The following MYRIP variants were observed in gnomAD, a reference collection of about 807,000 sequenced individuals.
MYRIP encodes the protein rab effector MyRIP.
MYRIP carries 49 observed loss-of-function variants against 98.0 expected under a neutral mutation model. That is an observed-to-expected ratio of 0.50 (90% CI 0.40 to 0.63). The LOEUF is 0.63. Among genes scored for constraint, MYRIP ranks in the 30% least tolerant of loss-of-function variants. The probability of loss-of-function intolerance (pLI) is 0.00; values close to 1 mark genes in which losing one functional copy is unlikely to be tolerated. For synonymous variants in MYRIP, 404 were observed against 409.5 expected (o/e 0.99, Z 0.16); for missense variants, 1,004 against 1,058.2 (o/e 0.95, Z 0.71).
chr3:40,134,270 G>A (rs933492429), intron 3 of MYRIP, among the ~76,000 whole-genome samples: 5 of 152,146 alleles, frequency 3.3e-5, no homozygotes, highest in African/African-American at 7.2e-5. Flanking sequence ...CTACACCCAC[G>A]GAGCCTCGCT....
intron 1 of MYRIP, among the ~76,000 whole-genome samples, chr3:39,873,430 T>A (rs911305603): frequency 4.6e-5 from 7 of 152,206 alleles, no homozygotes; most frequent in Non-Finnish European, 8.8e-5. Context: ...GTGTCCTGAA[T>A]GGTAATGCCT....
chr3:40,010,219 G>T (rs1395787945), intron 2 of MYRIP, among the ~76,000 whole-genome samples: 1 of 152,222 alleles, frequency 6.6e-6, no homozygotes, highest in Non-Finnish European at 1.5e-5. Flanking sequence ...GCAGATTTCT[G>T]GGAATTTGCT....
chr3:40,043,665 G>A (rs1947598007), intron 2 of MYRIP, among the ~76,000 whole-genome samples: 1 of 152,150 alleles, frequency 6.6e-6, no homozygotes, highest in Non-Finnish European at 1.5e-5. Context: ...TGGGCTGTGT[G>A]AGGATTAATG....
At chr3:39,895,479 G>A (rs946479826) in intron 1 of MYRIP, among the ~76,000 whole-genome samples, 7 of 151,964 alleles carry the variant, frequency 4.6e-5, no homozygotes, top group African/African-American at 1.7e-4. Flanking sequence ...GAGCCACTGT[G>A]CCCGGCCAAT....
chr3:39,920,894 C>T (rs1333171490), intron 2 of MYRIP, among the ~76,000 whole-genome samples: 1 of 152,142 alleles, frequency 6.6e-6, no homozygotes, highest in Non-Finnish European at 1.5e-5. Context: ...CTATACCAGC[C>T]TCTTCACTTT....
At chr3:40,014,872 G>C (rs1447425644) in intron 2 of MYRIP, among the ~76,000 whole-genome samples, 1 of 152,208 alleles carries the variant, frequency 6.6e-6, no homozygotes, top group Non-Finnish European at 1.5e-5. Flanking sequence ...TTACGTTACA[G>C]TTTTTGTCTG....
chr3:39,873,910 A>C lies in MYRIP; in HGVS notation c.-30-26877A>C, dbSNP rs541258340. On this transcript the variant is annotated intron_variant, in intron 1 of 16. Transcript: ENST00000302541. ...GGTAGCTTGATGGGAATGGCATTGA[A>C]TCTGTAAATTACCTTGGGCAGTATG... 1.1e-3 allele frequency among the ~76,000 whole-genome samples: 165 copies of C among 152,132 alleles called. 1 individual carries two copies. The Middle Eastern group carries it at 0.017, about 16-fold the overall frequency.
chr3:39,944,366 T>TA (rs1478078762), intron 2 of MYRIP, among the ~76,000 whole-genome samples: 2 of 152,058 alleles, frequency 1.3e-5, no homozygotes, highest in Non-Finnish European at 2.9e-5. Flanking sequence ...ATGTTGTTAT[T>TA]AAAAAAAGAA....
At chr3:40,032,254 G>C (rs940352879) in intron 2 of MYRIP, among the ~76,000 whole-genome samples, 3 of 152,144 alleles carry the variant, frequency 2.0e-5, no homozygotes, top group African/African-American at 7.2e-5. Context: ...GTACCCAGTA[G>C]TCATTCAGGA....
At chr3:39,986,235 G>A (rs1575438945) in intron 2 of MYRIP, among the ~76,000 whole-genome samples, 1 of 152,152 alleles carries the variant, frequency 6.6e-6, no homozygotes, top group Non-Finnish European at 1.5e-5. Flanking sequence ...CGTCATTAGA[G>A]TCAGAGCACA....
At chr3:40,163,388 G>T (rs910837868) in intron 5 of MYRIP, among the ~76,000 whole-genome samples, 1 of 152,138 alleles carries the variant, frequency 6.6e-6, no homozygotes, top group Admixed American at 6.5e-5. Flanking sequence ...GTGTCAACTT[G>T]ACTTGGGCTA....
chr3:40,073,895 T>G (rs556675869), intron 3 of MYRIP, among the ~76,000 whole-genome samples: 21 of 152,332 alleles, frequency 1.4e-4, no homozygotes, highest in African/African-American at 5.1e-4. Context: ...TAAGGACCTT[T>G]CAATTCTACT....
chr3:40,197,878 T>C (rs372403467), intron 10 of MYRIP, among the ~76,000 whole-genome samples: 10 of 152,298 alleles, frequency 6.6e-5, no homozygotes, highest in African/African-American at 2.4e-4. Context: ...CCCACTCTCA[T>C]TGTTTGCCAA....
intron 2 of MYRIP, among the ~76,000 whole-genome samples, chr3:40,032,796 T>A (rs1248318324): frequency 3.3e-5 from 5 of 152,172 alleles, no homozygotes; most frequent in African/African-American, 9.7e-5. Context: ...ATATCCTTGA[T>A]GAAAATTGAT....
chr3:39,816,510 A>C (rs1940922165), intron 1 of MYRIP, among the ~76,000 whole-genome samples: 1 of 152,202 alleles, frequency 6.6e-6, no homozygotes, highest in Non-Finnish European at 1.5e-5. Context: ...AAGAGTTTAC[A>C]AAGGCTAATA....
At chr3:40,026,706 G>T (rs1947138301) in intron 2 of MYRIP, among the ~76,000 whole-genome samples, 1 of 152,072 alleles carries the variant, frequency 6.6e-6, no homozygotes, top group Non-Finnish European at 1.5e-5. Flanking sequence ...CAACAGTCTG[G>T]CTCCTGCCTA....
chr3:39,916,845 A>G (rs1426537628), intron 2 of MYRIP, among the ~76,000 whole-genome samples: 1 of 152,176 alleles, frequency 6.6e-6, no homozygotes, highest in African/African-American at 2.4e-5. Context: ...TCTTATTATT[A>G]AACAATAAAG....
At chr3:40,005,765 A>G (rs182676013) in intron 2 of MYRIP, among the ~76,000 whole-genome samples, 1 of 152,338 alleles carries the variant, frequency 6.6e-6, no homozygotes, top group African/African-American at 2.4e-5. Flanking sequence ...CACCATATAT[A>G]TAATATCATG....
chr3:40,058,790 T>C (rs1462638510), intron 3 of MYRIP, among the ~76,000 whole-genome samples: 4 of 152,206 alleles, frequency 2.6e-5, no homozygotes, highest in Non-Finnish European at 5.9e-5. Context: ...TTTTTTCTCT[T>C]TTTTAAATTA....
Sources: allele counts gnomAD v4.1 joint callset (sites outside exome capture counted in the v4.1 genomes callset), GRCh38; gene constraint gnomAD v4.1.1; transcripts MANE v1.5; gene names NCBI Gene and HGNC (gene_info 2026-07-23, HGNC 2026-07-21).